Variants in FYN observed in about 807,000 individuals in gnomAD.
FYN encodes the protein FYN proto-oncogene, Src family tyrosine kinase.
FYN carries 10 observed loss-of-function variants against 70.2 expected under a neutral mutation model. That is an observed-to-expected ratio of 0.14 (90% confidence interval 0.09 to 0.24). FYN has a LOEUF of 0.24. Ranked by LOEUF, FYN falls within the 10% of genes least tolerant of loss-of-function variation. FYN has a pLI of 1.00. For synonymous variants in FYN, 236 were observed against 248.6 expected (o/e 0.95, Z 0.48); for missense variants, 319 against 673.1 (o/e 0.47, Z 5.82).
intron 2 of FYN, among the ~76,000 whole-genome samples, chr6:111,806,719 C>T (rs1209601492): frequency 6.6e-6 from 1 of 152,118 alleles, no homozygotes; most frequent in Admixed American, 6.5e-5. Flanking sequence ...TTTTGCAATA[C>T]CCACTGCAGA....
intron 12 of FYN, among the ~76,000 whole-genome samples, chr6:111,679,487 A>G (rs1200986172): frequency 1.3e-5 from 2 of 152,198 alleles, no homozygotes; most frequent in African/African-American, 4.8e-5. Flanking sequence ...TACTGAGTAC[A>G]GTGTCTGCTG....
At chr6:111,691,216 A>C (rs1799301528) in intron 12 of FYN, among the ~76,000 whole-genome samples, 1 of 152,136 alleles carries the variant, frequency 6.6e-6, no homozygotes, top group Non-Finnish European at 1.5e-5. Context: ...GTGCGAAGTA[A>C]GGAGCACAGG....
At chr6:111,786,116 T>C (rs922872822) in intron 2 of FYN, among the ~76,000 whole-genome samples, 4 of 152,092 alleles carry the variant, frequency 2.6e-5, no homozygotes, top group African/African-American at 9.7e-5. Flanking sequence ...ACGTGCAGGT[T>C]TGTTACATAT....
intron 3 of FYN, among the ~76,000 whole-genome samples, chr6:111,753,306 A>G (rs1802569370): frequency 6.6e-6 from 1 of 152,196 alleles, no homozygotes; most frequent in South Asian, 2.1e-4. Context: ...AAGGCCTCTC[A>G]TAATACCTTT....
chr6:111,845,711 T>G (rs1406254210), intron 2 of FYN, among the ~76,000 whole-genome samples: 1 of 152,140 alleles, frequency 6.6e-6, no homozygotes. Context: ...TTGAGGAACA[T>G]AACTCAGAAC....
At chr6:111,866,335 C>CTTTTG (rs1416243023) in intron 1 of FYN, among the ~76,000 whole-genome samples, 35 of 152,182 alleles carry the variant, frequency 2.3e-4, no homozygotes, top group South Asian at 8.3e-4. Context: ...CAACCTCATG[C>CTTTTG]TTTTGTTTTG....
chr6:111,719,609 C>T (rs897493440), intron 4 of FYN, 196 bp downstream of exon 4: 2 of 627,228 alleles, frequency 3.2e-6, no homozygotes, highest in East Asian at 2.9e-5. Flanking sequence ...CACCTTGCAA[C>T]CCTGTAGCCA....
At chr6:111,736,628 G>GA (rs1247865357) in intron 3 of FYN, among the ~76,000 whole-genome samples, 1 of 152,104 alleles carries the variant, frequency 6.6e-6, no homozygotes, top group Non-Finnish European at 1.5e-5. Context: ...ATAAGCCCAG[G>GA]AAACAGCTCT....
At chr6:111,828,947 T>C (rs909142183) in intron 2 of FYN, among the ~76,000 whole-genome samples, 6 of 152,206 alleles carry the variant, frequency 3.9e-5, no homozygotes, top group African/African-American at 7.2e-5. Flanking sequence ...GTCTTTGCAG[T>C]AGGACTTCTC....
At chr6:111,844,420 G>A (rs752809273) in intron 2 of FYN, among the ~76,000 whole-genome samples, 1 of 152,154 alleles carries the variant, frequency 6.6e-6, no homozygotes, top group Non-Finnish European at 1.5e-5. Flanking sequence ...CTTCTGGATA[G>A]GTAAACACAG....
chr6:111,739,006 GC>G (rs1801827091), intron 3 of FYN, among the ~76,000 whole-genome samples: 1 of 152,062 alleles, frequency 6.6e-6, no homozygotes. Flanking sequence ...CATTCCTCCT[GC>G]CAAGAATGGC....
At chr6:111,865,268 T>G (rs1774072534) in intron 1 of FYN, among the ~76,000 whole-genome samples, 1 of 152,176 alleles carries the variant, frequency 6.6e-6, no homozygotes, top group Non-Finnish European at 1.5e-5. Flanking sequence ...CTCTGCTTCC[T>G]AAGTATACCC....
Position 111,870,772 on chromosome 6 carries a change from G to A in FYN, c.-123+2196C>T, listed in dbSNP as rs538170583. Reference sequence around the variant, plus strand: ...AAAAAGGACTTCGAGCAAGTCAGATGGGGTTGGAGATTCCAGACCCAGGAG... The same window carrying A: ...AAAAAGGACTTCGAGCAAGTCAGATAGGGTTGGAGATTCCAGACCCAGGAG... On this transcript the variant is annotated intron_variant, in intron 1 of 13. Coordinates refer to ENST00000354650, the MANE Select transcript of FYN (RefSeq NM_002037.5). 4.6e-5 allele frequency among the ~76,000 whole-genome samples: 7 copies of A among 152,296 alleles called. No homozygotes were observed. The East Asian group carries it at 1.4e-3, about 29-fold the overall frequency.
intron 5 of FYN, 180 bp from the exon 6 acceptor site, chr6:111,708,200 G>T: frequency 3.6e-6 from 2 of 551,078 alleles, no homozygotes; most frequent in Non-Finnish European, 6.5e-6. Context: ...GTTCCAGTTC[G>T]AGTCAGCCAT....
intron 3 of FYN, among the ~76,000 whole-genome samples, chr6:111,752,015 A>T (rs186639226): frequency 6.6e-6 from 1 of 152,328 alleles, no homozygotes; most frequent in Non-Finnish European, 1.5e-5. Flanking sequence ...AGGAGTAATA[A>T]ATTTATAATA....
intron 2 of FYN, among the ~76,000 whole-genome samples, chr6:111,821,285 G>C (rs879656255): frequency 9.2e-4 from 140 of 151,962 alleles, no homozygotes; most frequent in Non-Finnish European, 1.7e-3. Context: ...CCAAAACAGA[G>C]ATATAGACCA....
At chr6:111,811,597 C>T (rs1442838771) in intron 2 of FYN, among the ~76,000 whole-genome samples, 1 of 152,158 alleles carries the variant, frequency 6.6e-6, no homozygotes. Flanking sequence ...CTGTTCCAAC[C>T]TTACTTGACC....
At chr6:111,835,278 T>G (rs1773144019) in intron 2 of FYN, among the ~76,000 whole-genome samples, 1 of 152,216 alleles carries the variant, frequency 6.6e-6, no homozygotes, top group Non-Finnish European at 1.5e-5. Flanking sequence ...TAAAAAATGT[T>G]TCACACCATC....
chr6:111,666,396 C>A (rs1376747140), intron 13 of FYN, among the ~76,000 whole-genome samples: 1 of 152,100 alleles, frequency 6.6e-6, no homozygotes, highest in Non-Finnish European at 1.5e-5. Context: ...GGGGAGCCAG[C>A]AAGCACAGAG....
Sources: allele counts gnomAD v4.1 joint callset (sites outside exome capture counted in the v4.1 genomes callset), GRCh38; gene constraint gnomAD v4.1.1; transcripts MANE v1.5; gene names NCBI Gene and HGNC (gene_info 2026-07-23, HGNC 2026-07-21).